The following XRCC3 variants were observed in gnomAD, a reference collection of about 807,000 sequenced individuals.
The protein encoded by XRCC3 is X-ray repair cross complementing 3.
In XRCC3, 34 loss-of-function variants were observed where a neutral mutation model predicts 29.2. That is an observed-to-expected ratio of 1.16 (90% CI 0.88 to 1.55). The LOEUF is 1.55. XRCC3 is among the 40% of genes most tolerant of loss of function. XRCC3 has a pLI of 0.00. For missense variants in XRCC3, 463 were observed against 467.6 expected (o/e 0.99, Z 0.09); for synonymous variants, 223 against 211.3 (o/e 1.06, Z -0.48).
chr14:103,700,830 T>G, intron 7 of XRCC3: 1 of 932,590 alleles, frequency 1.1e-6, no homozygotes, highest in Non-Finnish European at 1.6e-6. Flanking sequence ...AAGTGGTGAC[T>G]GCTGCTAGCT....
intron 8 of XRCC3, 73 bp downstream of exon 8, chr14:103,699,291 T>C (rs531515916): frequency 8.2e-5 from 126 of 1,544,632 alleles, no homozygotes; most frequent in Middle Eastern, 6.9e-4. Context: ...CCGCCCCACC[T>C]CCAGACCGGC....
In XRCC3 at chr14:103,698,381, G is replaced by A. The variant is rs1241779263; in HGVS notation, c.*417C>T. On this transcript the variant is annotated 3_prime_UTR_variant, in exon 10 of 10. Transcript: ENST00000555055. ...AGGAGGGGAGACCCTCGTGGGCACGGTCCCAAGGCTGAGGGGGTCTGAGGC... is the reference window on the plus strand; with the variant it reads ...AGGAGGGGAGACCCTCGTGGGCACGATCCCAAGGCTGAGGGGGTCTGAGGC... The A allele has an allele frequency of 3.6e-6, 1 of 278,596 alleles. No homozygotes were observed. The highest frequency in any genetic ancestry group is 7.0e-6 in the Non-Finnish European group (1 of 141,864). The allele number at this position is 278,596 out of a possible 1,614,324, so 17.3% of individuals were successfully genotyped here.
chr14:103,698,622 A>C lies in XRCC3; in HGVS notation c.*176T>G. The stretch of plus-strand genomic sequence containing the variant: ...GAGGCAGAACATCCCCCCAGCTCAG[A>C]TGGGGGTCAGTCTGTGGCCACCATC... On this transcript the variant is annotated 3_prime_UTR_variant, in exon 10 of 10. Transcript: ENST00000555055. 1 of 654,830 alleles carries C rather than the reference A, an allele frequency of 1.5e-6. No homozygotes were observed. The highest frequency in any genetic ancestry group is 2.7e-6 in the Non-Finnish European group (1 of 371,904). 40.6% of individuals were successfully genotyped at this position (654,830 alleles called of 1,614,324 possible).
chr14:103,699,899 G>A (rs939192070), intron 7 of XRCC3: 10 of 402,190 alleles, frequency 2.5e-5, no homozygotes, highest in African/African-American at 1.8e-4. Context: ...AGTCCTTGCG[G>A]GGGTCTGCTC....
At position 103,698,741 on chromosome 14, in the gene XRCC3, C is replaced by T. The variant is rs2082792212; in HGVS notation, c.*57G>A. The T allele has an allele frequency of 6.7e-7, 1 of 1,501,020 alleles. No individual in the cohort carries two copies. The highest frequency in any genetic ancestry group is 1.4e-5 in the African/African-American group (1 of 72,308). The allele number at this position is 1,501,020 out of a possible 1,614,324, so 93.0% of individuals were successfully genotyped here. A position where few individuals can be genotyped will look rare whatever the true frequency, so the allele number is the denominator to read the frequency against. On this transcript the variant is annotated 3_prime_UTR_variant, in exon 10 of 10. Transcript: ENST00000555055. ...GGCCCAGGCAGACGCGTTTTAAAGGCCCGAGCCCCGTGTGTCGGGGCTTCT... is the reference window on the plus strand; with the variant it reads ...GGCCCAGGCAGACGCGTTTTAAAGGTCCGAGCCCCGTGTGTCGGGGCTTCT...
At chr14:103,701,281 A>C (rs2083179019) in intron 7 of XRCC3, 1 of 1,479,996 alleles carries the variant, frequency 6.8e-7, no homozygotes, top group Non-Finnish European at 9.2e-7. Flanking sequence ...GGCGGCAGGG[A>C]GGGCCCCTGG....
rs1420174841 is a variant in XRCC3, at chr14:103,711,459, G to A, written c.-159+7C>T. Reference sequence around the variant, plus strand: ...CCTGCAGCAGTTGAGTGCCCTGCCCGACTCACCTCTCTGGGGCTTGGGGAT... The same window carrying A: ...CCTGCAGCAGTTGAGTGCCCTGCCCAACTCACCTCTCTGGGGCTTGGGGAT... On this transcript the variant is annotated splice_region_variant and intron_variant, in intron 3 of 9. Transcript: ENST00000555055. The A allele has an allele frequency of 4.0e-6, 2 of 494,590 alleles. No homozygotes were observed. The highest frequency in any genetic ancestry group is 1.2e-4 in the East Asian group (2 of 17,134). 30.6% of individuals were successfully genotyped at this position (494,590 alleles called of 1,614,324 possible). A position where few individuals can be genotyped will look rare whatever the true frequency, so the allele number is the denominator to read the frequency against.
intron 7 of XRCC3, 107 bp downstream of exon 7, chr14:103,703,066 A>G: frequency 6.7e-7 from 1 of 1,501,302 alleles, no homozygotes. Flanking sequence ...CTGAGCCCCA[A>G]CTCTCCCTGC....
At chr14:103,703,138 C>G in intron 7 of XRCC3, 35 bp downstream of exon 7, 1 of 1,554,012 alleles carries the variant, frequency 6.4e-7, no homozygotes, top group Non-Finnish European at 8.7e-7. Context: ...GAATAGCTTG[C>G]CTTGGGGGTG....
Position 103,711,240 on chromosome 14 carries a change from C to CT in XRCC3, c.-154dup. ...CCGAGGTGTCCGTGTCATCGGGGCT[C>CT]TGTCACTGAGGGTGGAGGAGACTTC... On this transcript the variant is annotated 5_prime_UTR_variant, in exon 4 of 10. Transcript: ENST00000555055. 1.3e-6 allele frequency: 1 copy of CT among 787,748 alleles called. No individual in the cohort carries two copies. The highest frequency in any genetic ancestry group is 2.7e-5 in the East Asian group (1 of 37,458). The allele number at this position is 787,748 out of a possible 1,614,324, so 48.8% of individuals were successfully genotyped here. A position where few individuals can be genotyped will look rare whatever the true frequency, so the allele number is the denominator to read the frequency against.
At chr14:103,700,588 G>C in intron 7 of XRCC3, 2 of 1,311,002 alleles carry the variant, frequency 1.5e-6, no homozygotes, top group Non-Finnish European at 2.2e-6. Context: ...GTCACGCCCG[G>C]AGCTCTGAAG....
At chr14:103,700,372 T>C (rs2083065620) in intron 7 of XRCC3, 2 of 396,318 alleles carry the variant, frequency 5.0e-6, no homozygotes, top group South Asian at 8.6e-5. Context: ...GGCCTGTGGG[T>C]GCCAGAGCCA....
intron 5 of XRCC3, chr14:103,708,144 T>A: frequency 2.8e-6 from 1 of 360,390 alleles, no homozygotes; most frequent in Non-Finnish European, 5.4e-6. Context: ...TGCTGAGACC[T>A]GGTTTCCCAC....
intron 4 of XRCC3, 151 bp downstream of exon 4, chr14:103,710,882 A>ACACC (rs554506107): frequency 1.4e-5 from 10 of 691,292 alleles, no homozygotes; most frequent in East Asian, 1.4e-4. Flanking sequence ...ACACACACAC[A>ACACC]CCTGAAAATC....
intron 4 of XRCC3, 190 bp downstream of exon 4, chr14:103,710,843 T>C (rs1243761640): frequency 2.4e-5 from 13 of 550,186 alleles, no homozygotes; most frequent in South Asian, 2.2e-4. Flanking sequence ...AAGAAATCCA[T>C]GTAGTTAAGA....
chr14:103,712,547 GAC>G (rs2083672813), intron 2 of XRCC3: 1 of 152,610 alleles, frequency 6.6e-6, no homozygotes. Flanking sequence ...AAGCCCTGAG[GAC>G]AGGAGGCAGC....
rs547068389 is a variant in XRCC3, at chr14:103,703,752, C to T, written c.407-425G>A. 130 of 287,698 alleles carry T rather than the reference C, an allele frequency of 4.5e-4. 1 individual carries two copies. The highest frequency in any genetic ancestry group is 2.7e-3 in the African/African-American group (123 of 46,046). 17.8% of individuals were successfully genotyped at this position (287,698 alleles called of 1,614,324 possible). A position where few individuals can be genotyped will look rare whatever the true frequency, so the allele number is the denominator to read the frequency against. On this transcript the variant is annotated intron_variant, in intron 6 of 9. Transcript: ENST00000555055. The stretch of plus-strand genomic sequence containing the variant: ...CTGAGCCCCGACACATGGCCACCCT[C>T]AAGGCCCCCACTGAGCAAGCGTTTC...
In XRCC3 at chr14:103,711,148, C is replaced by T. The variant is rs1470393372; in HGVS notation, c.-61G>A. ...CCCAGGAAAGACAGAACAATGGATG[C>T]AAATTCTGAGGCACTCGCCTTCAAT... On this transcript the variant is annotated 5_prime_UTR_variant, in exon 4 of 10. Transcript: ENST00000555055. 6.3e-7 allele frequency: 1 copy of T among 1,589,372 alleles called. No individual in the cohort carries two copies. Among genetic ancestry groups the T allele is most frequent in the African/African-American group, 1.3e-5 (1 of 74,424 alleles).
At chr14:103,707,254 G>A (rs759059402) in intron 5 of XRCC3, 39 bp from the exon 6 acceptor site, 2 of 1,546,874 alleles carry the variant, frequency 1.3e-6, no homozygotes, top group South Asian at 1.2e-5. Flanking sequence ...ACTCTCCTGG[G>A]CCTGCGGGCA....
Sources: allele counts gnomAD v4.1 joint callset, GRCh38; gene constraint gnomAD v4.1.1; transcripts MANE v1.5; gene names NCBI Gene and HGNC (gene_info 2026-07-23, HGNC 2026-07-21).